Variants in SERGEF observed in about 807,000 individuals in gnomAD.
SERGEF encodes secretion-regulating guanine nucleotide exchange factor.
SERGEF carries 51 observed loss-of-function variants against 50.0 expected under a neutral mutation model. The ratio of observed to expected loss-of-function variants is 1.02; its 90% CI spans 0.81 to 1.29. The LOEUF is 1.29. SERGEF is among the 50% of genes most tolerant of loss of function. SERGEF has a pLI of 0.00. For missense variants in SERGEF, 521 were observed against 557.0 expected (o/e 0.94, Z 0.65); for synonymous variants, 205 against 212.4 (o/e 0.97, Z 0.30).
intron 8 of SERGEF, among the ~76,000 whole-genome samples, chr11:17,964,837 G>C (rs1168982031): frequency 2.0e-5 from 3 of 152,200 alleles, no homozygotes; most frequent in Non-Finnish European, 4.4e-5. Flanking sequence ...CCTTCATTCT[G>C]CCATGTGGAC....
Position 17,995,851 on chromosome 11 carries a change from G to A in SERGEF, c.567C>T (p.Cys189=). Residue 189 remains cysteine, a synonymous_variant, in exon 6 of 11, where the codon TGC becomes TGT. Coordinates refer to ENST00000265965, the MANE Select transcript of SERGEF (RefSeq NM_012139.4). ...AAAACAATGGAAGAGTCTGCCCAGGGCACAACCGTCGTCCACATGATGCCA... is the reference window on the plus strand; with the variant it reads ...AAAACAATGGAAGAGTCTGCCCAGGACACAACCGTCGTCCACATGATGCCA... ...TGLASCGRRL[C]PGQTLPLFFT... 1 of 1,613,984 alleles carries A rather than the reference G, an allele frequency of 6.2e-7. No individual in the cohort carries two copies. Among genetic ancestry groups the A allele is most frequent in the Non-Finnish European group, 8.5e-7 (1 of 1,179,936 alleles).
chr11:17,942,159 G>C (rs1852574819), intron 9 of SERGEF, among the ~76,000 whole-genome samples: 1 of 152,114 alleles, frequency 6.6e-6, no homozygotes, highest in Non-Finnish European at 1.5e-5. Flanking sequence ...AGTCTCTTGA[G>C]ATTTTGATTG....
At chr11:17,873,793 G>GTC (rs1413440512) in intron 10 of SERGEF, among the ~76,000 whole-genome samples, 4 of 152,192 alleles carry the variant, frequency 2.6e-5, no homozygotes, top group African/African-American at 9.7e-5. Context: ...CCTTCCAAGG[G>GTC]TCTGTGTGGA....
At chr11:17,927,430 C>T (rs533636586) in intron 9 of SERGEF, among the ~76,000 whole-genome samples, 189 of 152,300 alleles carry the variant, frequency 1.2e-3, no homozygotes, top group African/African-American at 4.4e-3. Context: ...CTGCTGTAAA[C>T]ATGAAAATGC....
Position 17,788,254 on chromosome 11 carries a change from G to A in SERGEF, c.1208C>T (p.Pro403Leu). ...AGHSLALCQL[P>L]AHPALVQDPK... ...GTCCTGGACCAATGCAGGGTGAGCT[G>A]GCAGCTGGCAGAGGGCCAAGGAGTG... is the stretch of plus-strand genomic sequence containing the variant. Residue 403 changes from proline (P) to leucine (L), a missense_variant, in exon 11 of 11, where the codon CCA becomes CTA. Coordinates refer to ENST00000265965, the MANE Select transcript of SERGEF (RefSeq NM_012139.4). 1 of 1,613,902 alleles carries A rather than the reference G, an allele frequency of 6.2e-7. No homozygotes were observed. Among genetic ancestry groups the A allele is most frequent in the Non-Finnish European group, 8.5e-7 (1 of 1,179,920 alleles).
At chr11:17,810,057 A>G (rs1189302439) in intron 10 of SERGEF, among the ~76,000 whole-genome samples, 1 of 151,954 alleles carries the variant, frequency 6.6e-6, no homozygotes. Flanking sequence ...CTTTGACCCT[A>G]GTGTATTCTT....
intron 8 of SERGEF, among the ~76,000 whole-genome samples, chr11:17,965,624 T>C (rs193049852): frequency 2.7e-4 from 41 of 152,322 alleles, no homozygotes; most frequent in East Asian, 2.3e-3. Flanking sequence ...AATTAATGTG[T>C]GCCTCCTCTT....
chr11:17,936,629 G>T (rs754004702), intron 9 of SERGEF, among the ~76,000 whole-genome samples: 1 of 152,004 alleles, frequency 6.6e-6, no homozygotes, highest in African/African-American at 2.4e-5. Context: ...TCTCTAGGGC[G>T]TACACTCTGA....
intron 9 of SERGEF, among the ~76,000 whole-genome samples, chr11:17,954,097 T>A (rs1459169883): frequency 3.3e-5 from 5 of 152,170 alleles, no homozygotes; most frequent in Admixed American, 3.3e-4. Context: ...CCTGGGCCCA[T>A]GGTCTCAGAG....
intron 8 of SERGEF, among the ~76,000 whole-genome samples, chr11:17,963,102 A>G (rs1381623355): frequency 8.6e-5 from 13 of 150,744 alleles, no homozygotes; most frequent in Admixed American, 3.3e-4. Flanking sequence ...GAATCACTTG[A>G]ACCTGGGAGG....
intron 9 of SERGEF, among the ~76,000 whole-genome samples, chr11:17,900,261 C>G (rs1851724285): frequency 6.6e-6 from 1 of 152,128 alleles, no homozygotes; most frequent in Non-Finnish European, 1.5e-5. Flanking sequence ...GTTTCCCCAC[C>G]TAAAAAACAA....
chr11:17,855,273 C>T (rs914774908), intron 10 of SERGEF: 3 of 151,954 alleles, frequency 2.0e-5, no homozygotes, highest in Non-Finnish European at 4.4e-5. Flanking sequence ...CCTTGGAGGG[C>T]GAGTAAATTA....
At chr11:17,903,592 T>C (rs112283870) in intron 9 of SERGEF, among the ~76,000 whole-genome samples, 129 of 152,270 alleles carry the variant, frequency 8.5e-4, no homozygotes, top group African/African-American at 2.9e-3. Context: ...CAGCAAGCAA[T>C]GGAAGCTGAC....
In SERGEF at chr11:17,789,723, C is replaced by T. The variant is rs76695385; in HGVS notation, c.1049-1310G>A. Among the ~76,000 whole-genome samples the T allele has an allele frequency of 2.9e-3, 435 of 152,334 alleles. 4 individuals are homozygous for T. In the East Asian group the frequency reaches 0.042, roughly 15 times the overall value. ...GGAATATTTTGGATATCTCTTTCAA[C>T]CCTTTAATTTGTGAAATTTATAAAT... On this transcript the variant is annotated intron_variant, in intron 10 of 10. Transcript: ENST00000265965.
chr11:17,993,501 T>C (rs1342875269), intron 6 of SERGEF, among the ~76,000 whole-genome samples: 2 of 152,180 alleles, frequency 1.3e-5, no homozygotes, highest in Non-Finnish European at 2.9e-5. Flanking sequence ...CCAAGCCTCC[T>C]AAGAATACAC....
At chr11:17,875,291 C>T (rs991053575) in intron 10 of SERGEF, among the ~76,000 whole-genome samples, 22 of 152,228 alleles carry the variant, frequency 1.4e-4, no homozygotes, top group Non-Finnish European at 1.5e-5. Context: ...GCTTAAGTTA[C>T]AGGTAGTGCA....
At chr11:17,846,879 C>G (rs557070583) in intron 10 of SERGEF, 30 of 403,902 alleles carry the variant, frequency 7.4e-5, no homozygotes, top group Non-Finnish European at 2.0e-5. Flanking sequence ...GGATTCTAAT[C>G]TCCTGAGGAA....
intron 10 of SERGEF, among the ~76,000 whole-genome samples, chr11:17,792,947 C>G (rs1014258750): frequency 9.8e-5 from 15 of 152,294 alleles, no homozygotes; most frequent in African/African-American, 3.1e-4. Flanking sequence ...CACAAAGAGG[C>G]TACAAGTCAA....
Position 17,996,993 on chromosome 11 carries a change from C to T in SERGEF, c.509-1084G>A, listed in dbSNP as rs186760427. 5.5e-3 allele frequency among the ~76,000 whole-genome samples: 840 copies of T among 152,214 alleles called. 4 individuals carry two copies. The highest frequency in any genetic ancestry group is 9.0e-3 in the Non-Finnish European group (614 of 68,002). On this transcript the variant is annotated intron_variant, in intron 5 of 10. Coordinates refer to ENST00000265965, the MANE Select transcript of SERGEF (RefSeq NM_012139.4). ...GGCTGACATGGGAGGATTGCTTGAG[C>T]CCAGAGTTTGAGAAAAGCCTGGGCA...
Sources: allele counts gnomAD v4.1 joint callset (sites outside exome capture counted in the v4.1 genomes callset), GRCh38; gene constraint gnomAD v4.1.1; transcripts MANE v1.5; gene names NCBI Gene and HGNC (gene_info 2026-07-23, HGNC 2026-07-21).